The following OR3A2 variants were observed in gnomAD, a reference collection of about 807,000 sequenced individuals.
OR3A2 encodes olfactory receptor family 3 subfamily A member 2.
For synonymous variants in OR3A2, 126 were observed against 159.3 expected (o/e 0.79, Z 1.57); for missense variants, 318 against 392.8 (o/e 0.81, Z 1.61).
At chr17:3,379,226 A>G (rs999109004) in intron 2 of OR3A2, among the ~76,000 whole-genome samples, 5 of 152,210 alleles carry the variant, frequency 3.3e-5, no homozygotes, top group African/African-American at 1.2e-4. Flanking sequence ...AGATGAGAGA[A>G]CAAGACTGTC....
chr17:3,317,207 AGAC>A (rs201215450), intron 3 of OR3A2, among the ~76,000 whole-genome samples: 2,360 of 152,298 alleles, frequency 0.015, 67 homozygotes, highest in African/African-American at 0.053. Flanking sequence ...AGCCAGGAAG[AGAC>A]GTGAAGGCCT....
intron 2 of OR3A2, among the ~76,000 whole-genome samples, chr17:3,369,563 G>T (rs2049593862): frequency 6.6e-6 from 1 of 152,056 alleles, no homozygotes; most frequent in Admixed American, 6.5e-5. Context: ...AACCATCCTT[G>T]CATCCCTGGT....
intron 3 of OR3A2, among the ~76,000 whole-genome samples, chr17:3,312,586 C>T (rs1377464520): frequency 6.6e-6 from 1 of 152,146 alleles, no homozygotes; most frequent in Non-Finnish European, 1.5e-5. Flanking sequence ...GAATGTATCA[C>T]TGTATGTTCC....
chr17:3,324,310 T>A (rs2049151961), intron 3 of OR3A2, among the ~76,000 whole-genome samples: 2 of 152,106 alleles, frequency 1.3e-5, no homozygotes, highest in Non-Finnish European at 2.9e-5. Flanking sequence ...TCGAACTTCC[T>A]CCTGTAGCTT....
At chr17:3,332,195 C>T (rs2049241518) in intron 3 of OR3A2, among the ~76,000 whole-genome samples, 1 of 152,242 alleles carries the variant, frequency 6.6e-6, no homozygotes, top group Non-Finnish European at 1.5e-5. Context: ...AGAGGTGGAG[C>T]CTACAGAGGC....
intron 3 of OR3A2, among the ~76,000 whole-genome samples, chr17:3,297,338 C>T (rs1384554088): frequency 1.3e-5 from 2 of 152,094 alleles, no homozygotes; most frequent in East Asian, 1.9e-4. Flanking sequence ...ATTAAACTAC[C>T]TCTCATTTGC....
At chr17:3,280,019 T>C (rs147864707) in intron 1 of OR3A2, among the ~76,000 whole-genome samples, 1 of 152,310 alleles carries the variant, frequency 6.6e-6, no homozygotes, top group African/African-American at 2.4e-5. Flanking sequence ...GCCCCTACAA[T>C]GGACTTTGAC....
At chr17:3,375,271 T>A (rs2049673749) in intron 2 of OR3A2, among the ~76,000 whole-genome samples, 1 of 143,508 alleles carries the variant, frequency 7.0e-6, no homozygotes, top group Non-Finnish European at 1.5e-5. Context: ...ATAGTCTCAC[T>A]TGGTCACCTG....
At chr17:3,296,087 T>C (rs16952834) in intron 3 of OR3A2, among the ~76,000 whole-genome samples, 2,136 of 152,214 alleles carry the variant, frequency 0.014, 35 homozygotes, top group African/African-American at 0.048. Context: ...ATGAAACATT[T>C]ACTGCCCAGA....
intron 3 of OR3A2, among the ~76,000 whole-genome samples, chr17:3,335,303 T>C (rs530070842): frequency 1.4e-4 from 22 of 152,324 alleles, no homozygotes; most frequent in African/African-American, 4.6e-4. Context: ...AAAAAATGTT[T>C]ATGCAGTCAA....
At position 3,292,483 on chromosome 17, in the gene OR3A2, A is replaced by T. The variant is rs149826123; in HGVS notation, c.-84-13330T>A. 10,051 of 1,613,790 alleles carry T rather than the reference A, an allele frequency of 6.2e-3. 54 individuals carry two copies. Among genetic ancestry groups the T allele is most frequent in the Non-Finnish European group, 7.4e-3 (8,696 of 1,179,954 alleles). ...ACCGTGACCAGGTAGGCAAAGAGGA[A>T]GAGCACAAAGACAACTGGCTGCAGC... is the stretch of plus-strand genomic sequence containing the variant. On this transcript the variant is annotated intron_variant, in intron 3 of 4. Coordinates refer to the OR3A2 transcript ENST00000573491.
chr17:3,364,005 C>G (rs1321131462), intron 2 of OR3A2, among the ~76,000 whole-genome samples: 1 of 152,206 alleles, frequency 6.6e-6, no homozygotes, highest in Non-Finnish European at 1.5e-5. Flanking sequence ...CAGGCCTCTC[C>G]TCCAATTCGA....
chr17:3,323,830 T>C (rs368800580), intron 3 of OR3A2, among the ~76,000 whole-genome samples: 13 of 152,062 alleles, frequency 8.5e-5, no homozygotes, highest in Non-Finnish European at 1.5e-4. Context: ...CTGACAATTA[T>C]GTGTTTTGGA....
In OR3A2 at chr17:3,347,989, T is replaced by C. The variant is rs372249481; in HGVS notation, c.-178-11863A>G. Among the ~76,000 whole-genome samples the C allele has an allele frequency of 1.1e-4, 17 of 152,370 alleles. No homozygotes were observed. In the South Asian group the frequency reaches 1.7e-3, roughly 15 times the overall value. On this transcript the variant is annotated intron_variant, in intron 2 of 4. Coordinates refer to the OR3A2 transcript ENST00000573491. ...GTGGTTTTGATTTGCATTTCTCTGA[T>C]GGCCAGTGATGGTGAGCATTTTTTC...
At chr17:3,319,824 T>G (rs564887268) in intron 3 of OR3A2, among the ~76,000 whole-genome samples, 1 of 151,226 alleles carries the variant, frequency 6.6e-6, no homozygotes, top group South Asian at 2.1e-4. Flanking sequence ...TGAATAGTGC[T>G]GCAATAAACA....
intron 2 of OR3A2, among the ~76,000 whole-genome samples, chr17:3,378,532 G>A (rs1041834282): frequency 4.7e-4 from 72 of 152,068 alleles, no homozygotes; most frequent in Admixed American, 3.5e-3. Context: ...CTGCAGCTGC[G>A]CCTAGGAGTG....
intron 3 of OR3A2, among the ~76,000 whole-genome samples, chr17:3,321,294 T>G (rs1353187312): frequency 6.6e-6 from 1 of 151,948 alleles, no homozygotes; most frequent in East Asian, 1.9e-4. Flanking sequence ...GACAATGGAG[T>G]TTTCTAGATA....
At position 3,374,363 on chromosome 17, in the gene OR3A2, G is replaced by A. The variant is rs139063483; in HGVS notation, c.-179+9441C>T. The stretch of plus-strand genomic sequence containing the variant: ...TAGATGTCTAGTAAGACCAGGGGAG[G>A]TTTCCTCAATTATTCCCTTCAGTAA... On this transcript the variant is annotated intron_variant, in intron 2 of 4. Coordinates refer to the OR3A2 transcript ENST00000573491. 5.1e-3 allele frequency among the ~76,000 whole-genome samples: 777 copies of A among 152,236 alleles called. 3 individuals are homozygous for A. Among genetic ancestry groups the A allele is most frequent in the African/African-American group, 0.018 (738 of 41,526 alleles).
Position 3,311,607 on chromosome 17 carries a change from C to G in OR3A2, c.-85+24426G>C. 1 of 392,972 alleles carries G rather than the reference C, an allele frequency of 2.5e-6. No individual in the cohort carries two copies. Among genetic ancestry groups the G allele is most frequent in the African/African-American group, 2.1e-5 (1 of 47,878 alleles). 24.3% of individuals were successfully genotyped at this position (392,972 alleles called of 1,614,324 possible). A position where few individuals can be genotyped will look rare whatever the true frequency, so the allele number is the denominator to read the frequency against. ...GGCAGCTGCTGCTTGTGGGGGCCACCTTCATAGGAGTGATCCCCATGATCT... is the reference window on the plus strand; with the variant it reads ...GGCAGCTGCTGCTTGTGGGGGCCACGTTCATAGGAGTGATCCCCATGATCT... On this transcript the variant is annotated intron_variant, in intron 3 of 4. Coordinates refer to the OR3A2 transcript ENST00000573491. The surrounding 1 kb of genome is among the most constrained non-coding windows in gnomAD (Gnocchi z 4.6).
Sources: gnomAD v4.1 joint callset for allele counts (sites outside exome capture counted in the v4.1 genomes callset) on GRCh38, gnomAD v4.1.1 for gene constraint, Gnocchi (gnomAD v3.1) non-coding constraint, MANE v1.5 for transcripts, NCBI Gene and HGNC (gene_info 2026-07-23, HGNC 2026-07-21) for gene names.